ADGRL2: variants seen among roughly 807,000 people sequenced by gnomAD.
ADGRL2 encodes the protein calcium-independent alpha-latrotoxin receptor 2.
Under a neutral mutation model 157.4 loss-of-function variants are expected in ADGRL2, and 44 were observed. The observed-to-expected ratio is 0.28, with a 90% CI of 0.22 to 0.36. The LOEUF is 0.36. Among genes scored for constraint, ADGRL2 ranks in the 10% least tolerant of loss-of-function variants. ADGRL2 has a pLI of 1.00. For missense variants in ADGRL2, 1,510 were observed against 1,768.9 expected, an observed-to-expected ratio of 0.85 and a Z score of 2.63; for synonymous variants, 585 against 624.7, an observed-to-expected ratio of 0.94 and a Z score of 0.95.
At chr1:81,343,262 G>A (rs7523454) in intron 1 of ADGRL2, among the ~76,000 whole-genome samples, 18,707 of 150,978 alleles carry the variant, frequency 0.12, 1,723 homozygotes, top group African/African-American at 0.26. Context: ...GCTAATTTTC[G>A]TATTTTTAGT....
At position 81,989,659 on chromosome 1, in the gene ADGRL2, A is replaced by G. The variant is rs777854574; in HGVS notation, c.3656-732A>G. On this transcript the variant is annotated intron_variant, in intron 23 of 23. Coordinates refer to ENST00000686636, the MANE Select transcript of ADGRL2 (RefSeq NM_001366006.2). ...TTTTACTTTCTTTTATATATCAGCTACTCTTAGGCCAGATAGCCTGAGCAG... is the reference window on the plus strand; with the variant it reads ...TTTTACTTTCTTTTATATATCAGCTGCTCTTAGGCCAGATAGCCTGAGCAG... 3.1e-6 allele frequency: 5 copies of G among 1,609,488 alleles called. No individual in the cohort carries two copies. In the Admixed American group the frequency reaches 5.0e-5, roughly 16 times the overall value.
At chr1:81,652,147 TA>T (rs1427315855) in intron 3 of ADGRL2, among the ~76,000 whole-genome samples, 1 of 152,096 alleles carries the variant, frequency 6.6e-6, no homozygotes, top group African/African-American at 2.4e-5. Flanking sequence ...GAGAATCCAA[TA>T]AAAAAACAGC....
chr1:81,405,378 C>G (rs1307330176), intron 1 of ADGRL2, among the ~76,000 whole-genome samples: 1 of 152,142 alleles, frequency 6.6e-6, no homozygotes, highest in East Asian at 1.9e-4. Context: ...TTGGAAAATA[C>G]TATTTCAGGC....
chr1:81,638,432 CAAT>C (rs998795897), intron 3 of ADGRL2, among the ~76,000 whole-genome samples: 2 of 151,994 alleles, frequency 1.3e-5, no homozygotes, highest in African/African-American at 4.8e-5. Context: ...TTGTTCAAAA[CAAT>C]AATAGCAACA....
At chr1:81,389,932 AC>A (rs1179378471) in intron 1 of ADGRL2, among the ~76,000 whole-genome samples, 5 of 152,194 alleles carry the variant, frequency 3.3e-5, no homozygotes, top group Non-Finnish European at 7.3e-5. Context: ...TGCTAATCTG[AC>A]TTTTAATACC....
chr1:81,359,415 C>T (rs35646772), intron 1 of ADGRL2, among the ~76,000 whole-genome samples: 20,879 of 151,940 alleles, frequency 0.14, 1,685 homozygotes, highest in East Asian at 0.2. Flanking sequence ...ATATACATCG[C>T]TATCCCTAGA....
chr1:81,752,282 C>A lies in ADGRL2; in HGVS notation c.-142-9529C>A, dbSNP rs532229085. 2.0e-5 allele frequency among the ~76,000 whole-genome samples: 3 copies of A among 152,278 alleles called. No homozygotes were observed. In the East Asian group the frequency reaches 5.8e-4, roughly 29 times the overall value. The stretch of plus-strand genomic sequence containing the variant: ...AGGCAATTGATCTTGGACTTCCCTG[C>A]CTCCAGAACTTTGAAAAATACATTT... On this transcript the variant is annotated intron_variant, in intron 1 of 20. Transcript: ENST00000359929.
intron 1 of ADGRL2, among the ~76,000 whole-genome samples, chr1:81,820,745 A>G (rs1416532701): frequency 1.3e-5 from 2 of 152,028 alleles, no homozygotes; most frequent in Non-Finnish European, 2.9e-5. Flanking sequence ...TGAAAAAAAA[A>G]AACAAAAAAC....
intron 11 of ADGRL2, 38 bp downstream of exon 11, chr1:81,956,098 G>T: frequency 6.9e-7 from 1 of 1,448,784 alleles, no homozygotes; most frequent in Non-Finnish European, 9.4e-7. Flanking sequence ...TTTGATTTAG[G>T]ATATTCATAT....
intron 2 of ADGRL2, among the ~76,000 whole-genome samples, chr1:81,895,943 C>A (rs2094378991): frequency 6.6e-6 from 1 of 152,042 alleles, no homozygotes; most frequent in African/African-American, 2.4e-5. Context: ...GAGTGACTCA[C>A]TGGATATGGG....
At chr1:81,804,919 GA>G (rs752256908) in intron 1 of ADGRL2, among the ~76,000 whole-genome samples, 1 of 152,134 alleles carries the variant, frequency 6.6e-6, no homozygotes, top group Non-Finnish European at 1.5e-5. Flanking sequence ...AATAAATAGG[GA>G]AAAAGTCAGC....
chr1:81,851,579 A>T (rs1259839955), intron 2 of ADGRL2, among the ~76,000 whole-genome samples: 1 of 151,910 alleles, frequency 6.6e-6, no homozygotes, highest in Non-Finnish European at 1.5e-5. Flanking sequence ...ATAGATTTAT[A>T]CATCACACCT....
At chr1:81,398,792 C>T (rs2076701063) in intron 1 of ADGRL2, among the ~76,000 whole-genome samples, 1 of 152,154 alleles carries the variant, frequency 6.6e-6, no homozygotes, top group Non-Finnish European at 1.5e-5. Flanking sequence ...GATTTTCTTA[C>T]AGATGACTTG....
chr1:81,649,680 T>C (rs1309035141), intron 3 of ADGRL2, among the ~76,000 whole-genome samples: 1 of 152,208 alleles, frequency 6.6e-6, no homozygotes, highest in African/African-American at 2.4e-5. Context: ...TATTATTTAC[T>C]CCTTTCCCAC....
At chr1:81,310,352 G>A (rs927199123) in intron 1 of ADGRL2, among the ~76,000 whole-genome samples, 4 of 152,022 alleles carry the variant, frequency 2.6e-5, no homozygotes, top group Admixed American at 6.6e-5. Context: ...GAACTATTAC[G>A]CATGTAACTC....
At chr1:81,831,840 A>T (rs1287864023) in intron 1 of ADGRL2, among the ~76,000 whole-genome samples, 1 of 152,072 alleles carries the variant, frequency 6.6e-6, no homozygotes, top group African/African-American at 2.4e-5. Context: ...TGCTCAGTAA[A>T]TATTTGTTGA....
At chr1:81,508,773 T>C (rs1438301317) in intron 2 of ADGRL2, among the ~76,000 whole-genome samples, 1 of 152,218 alleles carries the variant, frequency 6.6e-6, no homozygotes, top group East Asian at 1.9e-4. Context: ...TCATAAGGAA[T>C]GTTCTCAACA....
At chr1:81,737,430 T>C (rs953458896) in intron 1 of ADGRL2, among the ~76,000 whole-genome samples, 2 of 152,108 alleles carry the variant, frequency 1.3e-5, no homozygotes, top group African/African-American at 2.4e-5. Context: ...TGAGAACTAA[T>C]TCACCATCAT....
Position 81,987,174 on chromosome 1 carries a change from A to G in ADGRL2, c.3637+145A>G, listed in dbSNP as rs1159996582. On this transcript the variant is annotated intron_variant, in intron 22 of 23. Coordinates refer to ENST00000686636, the MANE Select transcript of ADGRL2 (RefSeq NM_001366006.2). ...GTTAAAAAAAATTACGGTATTGTCT[A>G]TGCCAGGCTTCTAAAACTGCACTAT... 4.6e-6 allele frequency: 6 copies of G among 1,302,704 alleles called. No individual in the cohort carries two copies. The South Asian group carries it at 6.8e-5, about 15-fold the overall frequency. The allele number at this position is 1,302,704 out of a possible 1,614,324, so 80.7% of individuals were successfully genotyped here.
Sources: gnomAD v4.1 joint callset for allele counts (sites outside exome capture counted in the v4.1 genomes callset) on GRCh38, gnomAD v4.1.1 for gene constraint, MANE v1.5 for transcripts, NCBI Gene and HGNC (gene_info 2026-07-23, HGNC 2026-07-21) for gene names.